FERMT2: variants seen among roughly 807,000 people sequenced by gnomAD.
FERMT2 encodes the protein FERM domain containing kindlin 2, also known as fermitin family homolog 2.
FERMT2 carries 15 observed loss-of-function variants against 82.7 expected under a neutral mutation model. The ratio of observed to expected loss-of-function variants is 0.18; its 90% CI spans 0.12 to 0.28. FERMT2 has a LOEUF of 0.28. Among genes scored for constraint, FERMT2 ranks in the 10% least tolerant of loss-of-function variants. The probability of loss-of-function intolerance (pLI) is 1.00; values close to 1 mark genes in which losing one functional copy is unlikely to be tolerated. For synonymous variants in FERMT2, 274 were observed against 271.5 expected (o/e 1.01, Z -0.09); for missense variants, 645 against 809.4 (o/e 0.80, Z 2.46).
At chr14:52,867,554 C>T (rs1042098610) in intron 10 of FERMT2, among the ~76,000 whole-genome samples, 14 of 151,804 alleles carry the variant, frequency 9.2e-5, no homozygotes, top group African/African-American at 2.7e-4. Flanking sequence ...GGGTTCTATT[C>T]TTCATCTTGT....
chr14:52,944,935 T>A (rs1890260098), intron 2 of FERMT2, among the ~76,000 whole-genome samples: 1 of 152,142 alleles, frequency 6.6e-6, no homozygotes, highest in Non-Finnish European at 1.5e-5. Flanking sequence ...AGTCTTGCTC[T>A]GTTGCCCAGG....
At chr14:52,861,592 GT>G (rs1237973601) in intron 12 of FERMT2, 1 of 152,548 alleles carries the variant, frequency 6.6e-6, no homozygotes, top group Non-Finnish European at 1.5e-5. Context: ...GTTACCATGT[GT>G]TTTTTGCATC....
chr14:52,945,220 T>C (rs1196094021), intron 2 of FERMT2, among the ~76,000 whole-genome samples: 1 of 151,596 alleles, frequency 6.6e-6, no homozygotes, highest in Non-Finnish European at 1.5e-5. Flanking sequence ...CAATCCTCAA[T>C]TGTTCTATGT....
intron 10 of FERMT2, among the ~76,000 whole-genome samples, chr14:52,868,363 T>G (rs1885417629): frequency 6.6e-6 from 1 of 152,050 alleles, no homozygotes; most frequent in Admixed American, 6.6e-5. Context: ...CCCGATGAAG[T>G]CTCTCCATCC....
At chr14:52,917,925 A>G (rs973317956) in intron 3 of FERMT2, among the ~76,000 whole-genome samples, 3 of 152,250 alleles carry the variant, frequency 2.0e-5, no homozygotes, top group African/African-American at 7.2e-5. Context: ...GGCATTGTAC[A>G]GGAGCAGCAT....
At chr14:52,881,778 A>G (rs1886313595) in intron 4 of FERMT2, 1 of 1,317,280 alleles carries the variant, frequency 7.6e-7, no homozygotes, top group Non-Finnish European at 9.9e-7. Context: ...TTTGTCTTTA[A>G]ATTGTGGCAA....
chr14:52,905,792 T>C (rs555832646), intron 3 of FERMT2, among the ~76,000 whole-genome samples: 9 of 152,210 alleles, frequency 5.9e-5, no homozygotes, highest in African/African-American at 1.9e-4. Flanking sequence ...ATGCCATGAG[T>C]TCAGCCTTGA....
rs533850662 is a variant in FERMT2, at chr14:52,881,497, T to C, written c.527-28A>G. On this transcript the variant is annotated intron_variant, in intron 4 of 14. Transcript: ENST00000341590. ...AATAAGTAACATGAAAAACAGGTAG[T>C]AAGTATGCAGTACAGCATCTTATTT... The C allele has an allele frequency of 6.8e-6, 10 of 1,471,976 alleles. No homozygotes were observed. The South Asian group carries it at 1.0e-4, about 15-fold the overall frequency. The allele number at this position is 1,471,976 out of a possible 1,614,324, so 91.2% of individuals were successfully genotyped here.
Position 52,945,097 on chromosome 14 carries a change from C to T in FERMT2, c.157+5315G>A, listed in dbSNP as rs532578498. 2.0e-5 allele frequency among the ~76,000 whole-genome samples: 3 copies of T among 152,080 alleles called. No individual in the cohort carries two copies. The South Asian group carries it at 6.3e-4, about 32-fold the overall frequency. On this transcript the variant is annotated intron_variant, in intron 2 of 14. Transcript: ENST00000341590. ...TGTATTTTCTGTTTTTCTGTAGAAA[C>T]GGGATTTCACCATGTTGCCCGGCTG...
chr14:52,890,439 C>T (rs541362007), intron 4 of FERMT2, among the ~76,000 whole-genome samples: 324 of 140,630 alleles, frequency 2.3e-3, no homozygotes, highest in Middle Eastern at 7.8e-3. Context: ...AGTGACACTC[C>T]GTCTGAAAAA....
At chr14:52,867,171 A>G (rs1466616639) in intron 10 of FERMT2, among the ~76,000 whole-genome samples, 1 of 151,520 alleles carries the variant, frequency 6.6e-6, no homozygotes, top group Non-Finnish European at 1.5e-5. Flanking sequence ...TCCTGGGCTC[A>G]AGCAATCCAC....
At chr14:52,909,979 G>C (rs1277171051) in intron 3 of FERMT2, among the ~76,000 whole-genome samples, 2 of 152,162 alleles carry the variant, frequency 1.3e-5, no homozygotes, top group African/African-American at 4.8e-5. Context: ...CTTGAAGCCA[G>C]GAGGTAGAGG....
intron 4 of FERMT2, among the ~76,000 whole-genome samples, chr14:52,890,856 G>A (rs1408911150): frequency 6.6e-6 from 1 of 152,060 alleles, no homozygotes; most frequent in Non-Finnish European, 1.5e-5. Context: ...ACCCACCTCA[G>A]CCTCCCAAAA....
At chr14:52,869,984 AC>A (rs1279032892) in intron 10 of FERMT2, among the ~76,000 whole-genome samples, 7 of 152,316 alleles carry the variant, frequency 4.6e-5, no homozygotes, top group East Asian at 1.9e-4. Context: ...ATACAAAAAA[AC>A]ATATAGAATA....
intron 10 of FERMT2, among the ~76,000 whole-genome samples, chr14:52,866,186 A>T (rs753831686): frequency 2.6e-5 from 4 of 152,230 alleles, no homozygotes; most frequent in Non-Finnish European, 4.4e-5. Context: ...GCACTAGTGT[A>T]GGCTCAGAGG....
At chr14:52,876,020 T>A (rs1477160345) in intron 7 of FERMT2, among the ~76,000 whole-genome samples, 1 of 152,192 alleles carries the variant, frequency 6.6e-6, no homozygotes, top group African/African-American at 2.4e-5. Context: ...GTTACTGATT[T>A]TAAATATACT....
At position 52,858,330 on chromosome 14, in the gene FERMT2, G is replaced by A; in HGVS notation, c.*47C>T. 1 of 1,517,884 alleles carries A rather than the reference G, an allele frequency of 6.6e-7. No individual in the cohort carries two copies. The highest frequency in any genetic ancestry group is 9.1e-7 in the Non-Finnish European group (1 of 1,097,392). 94.0% of individuals were successfully genotyped at this position (1,517,884 alleles called of 1,614,324 possible). On this transcript the variant is annotated 3_prime_UTR_variant, in exon 15 of 15. Coordinates refer to ENST00000341590, the MANE Select transcript of FERMT2 (RefSeq NM_006832.3). ...CAGCATATAACAAACAGCTTTTAAA[G>A]TTAAATATTGTTATGGCCGTGGAGT...
intron 2 of FERMT2, among the ~76,000 whole-genome samples, chr14:52,944,674 G>A (rs1407510741): frequency 6.6e-6 from 1 of 152,188 alleles, no homozygotes; most frequent in East Asian, 1.9e-4. Context: ...TGCAATGAAC[G>A]TATACCATAC....
intron 10 of FERMT2, among the ~76,000 whole-genome samples, chr14:52,868,467 C>T (rs1310677505): frequency 6.6e-6 from 1 of 152,146 alleles, no homozygotes; most frequent in East Asian, 1.9e-4. Context: ...AATTTTATCT[C>T]GCCAACATGC....
Sources: gnomAD v4.1 joint callset for allele counts (sites outside exome capture counted in the v4.1 genomes callset) on GRCh38, gnomAD v4.1.1 for gene constraint, MANE v1.5 for transcripts, NCBI Gene and HGNC (gene_info 2026-07-23, HGNC 2026-07-21) for gene names.